The following SCHIP1 variants were observed in gnomAD, a reference collection of about 807,000 sequenced individuals.
SCHIP1 encodes schwannomin interacting protein 1.
SCHIP1 carries 8 observed loss-of-function variants against 29.7 expected under a neutral mutation model. That is an observed-to-expected ratio of 0.27 (90% CI 0.16 to 0.49). The LOEUF (loss-of-function observed/expected upper bound fraction) is 0.49, where lower values mean the gene tolerates loss of function less well. SCHIP1 is among the 20% of genes least tolerant of loss of function. SCHIP1 has a pLI of 0.99. For missense variants in SCHIP1, 193 were observed against 294.6 expected (o/e 0.66, Z 2.52); for synonymous variants, 76 against 94.9 (o/e 0.80, Z 1.16).
the SCHIP1 span, among the ~76,000 whole-genome samples, chr3:159,774,408 C>G: frequency 2.0e-5 from 3 of 152,118 alleles, no homozygotes; most frequent in Non-Finnish European, 4.4e-5. Context: ...AATTGTTGCC[C>G]TTTATATATA....
chr3:159,595,361 G>C, the SCHIP1 span, among the ~76,000 whole-genome samples: 74 of 152,202 alleles, frequency 4.9e-4, no homozygotes, highest in African/African-American at 1.8e-3. Flanking sequence ...TGAAGGAGGA[G>C]AACCAGCAGC....
At chr3:159,333,642 ACTC>A in the SCHIP1 span, among the ~76,000 whole-genome samples, 1 of 152,060 alleles carries the variant, frequency 6.6e-6, no homozygotes, top group Non-Finnish European at 1.5e-5. Context: ...AGCAAAGACT[ACTC>A]CTACACATAT....
chr3:159,864,506 CA>C (rs1714406291), intron 1 of SCHIP1, among the ~76,000 whole-genome samples: 1 of 151,594 alleles, frequency 6.6e-6, no homozygotes, highest in Admixed American at 6.6e-5. Flanking sequence ...CACACACACA[CA>C]CACACACATA....
the SCHIP1 span, among the ~76,000 whole-genome samples, chr3:159,587,931 G>A: frequency 2.6e-5 from 4 of 152,094 alleles, no homozygotes; most frequent in African/African-American, 4.8e-5. Flanking sequence ...ATAAACATAC[G>A]TGTGCATGTG....
At chr3:159,599,653 GA>G in the SCHIP1 span, among the ~76,000 whole-genome samples, 1 of 152,136 alleles carries the variant, frequency 6.6e-6, no homozygotes, top group African/African-American at 2.4e-5. Flanking sequence ...CACTCATTGG[GA>G]AATTTGGGCT....
At chr3:159,890,572 C>T (rs527819322) in intron 5 of SCHIP1, among the ~76,000 whole-genome samples, 5 of 152,272 alleles carry the variant, frequency 3.3e-5, no homozygotes, top group Non-Finnish European at 5.9e-5. Flanking sequence ...ACCATAGATT[C>T]ACAGGATTTT....
the SCHIP1 span, among the ~76,000 whole-genome samples, chr3:159,524,667 C>T: frequency 6.6e-6 from 1 of 152,106 alleles, no homozygotes; most frequent in Non-Finnish European, 1.5e-5. Context: ...CTCCGAAACA[C>T]GTGATGTTAG....
At chr3:159,746,146 A>G in the SCHIP1 span, among the ~76,000 whole-genome samples, 18 of 152,212 alleles carry the variant, frequency 1.2e-4, no homozygotes, top group Non-Finnish European at 2.4e-4. Flanking sequence ...ATTTTTAGAA[A>G]AGCAAAAAAT....
the SCHIP1 span, among the ~76,000 whole-genome samples, chr3:159,454,154 A>G: frequency 3.3e-5 from 5 of 152,250 alleles, no homozygotes; most frequent in African/African-American, 1.2e-4. Flanking sequence ...TGGAATCACA[A>G]GGGGAACCTG....
chr3:159,415,140 A>G, the SCHIP1 span, among the ~76,000 whole-genome samples: 4 of 152,324 alleles, frequency 2.6e-5, no homozygotes, highest in South Asian at 8.3e-4. Flanking sequence ...CAGCATGTTC[A>G]TGAAGAATGA....
the SCHIP1 span, among the ~76,000 whole-genome samples, chr3:159,687,491 A>G: frequency 6.6e-6 from 1 of 151,988 alleles, no homozygotes; most frequent in Non-Finnish European, 1.5e-5. Context: ...AGGTTTTGGA[A>G]CAAAAAACAA....
the SCHIP1 span, among the ~76,000 whole-genome samples, chr3:159,605,912 C>T: frequency 6.8e-4 from 103 of 152,256 alleles, 2 homozygotes; most frequent in East Asian, 0.013. Context: ...TTCCACCCCA[C>T]GTCCCTACCA....
the SCHIP1 span, among the ~76,000 whole-genome samples, chr3:159,520,818 C>T: frequency 2.6e-5 from 4 of 152,130 alleles, no homozygotes; most frequent in Non-Finnish European, 5.9e-5. Context: ...TACGTAATTA[C>T]AGAAATTATT....
chr3:159,380,004 C>G, the SCHIP1 span, among the ~76,000 whole-genome samples: 1 of 152,028 alleles, frequency 6.6e-6, no homozygotes, highest in African/African-American at 2.4e-5. Context: ...AGCCCTAGTT[C>G]GATGCCTAAG....
the SCHIP1 span, among the ~76,000 whole-genome samples, chr3:159,414,453 T>C: frequency 6.6e-6 from 1 of 152,216 alleles, no homozygotes; most frequent in African/African-American, 2.4e-5. Flanking sequence ...CCACACTCTT[T>C]CCAGGTGCTC....
At chr3:159,756,050 GC>G in the SCHIP1 span, among the ~76,000 whole-genome samples, 1 of 152,264 alleles carries the variant, frequency 6.6e-6, no homozygotes, top group Non-Finnish European at 1.5e-5. Context: ...CACAGTGCAA[GC>G]TGTTGGTGGA....
At chr3:159,661,536 G>C in the SCHIP1 span, among the ~76,000 whole-genome samples, 3 of 152,152 alleles carry the variant, frequency 2.0e-5, no homozygotes. Flanking sequence ...CAATCAGTAG[G>C]GTTAGCCTAG....
At chr3:159,425,718 C>T in the SCHIP1 span, among the ~76,000 whole-genome samples, 1 of 152,204 alleles carries the variant, frequency 6.6e-6, no homozygotes. Flanking sequence ...GAACTCTCCA[C>T]CCCATATCAA....
chr3:159,456,613 G>C, the SCHIP1 span, among the ~76,000 whole-genome samples: 72 of 152,268 alleles, frequency 4.7e-4, no homozygotes, highest in South Asian at 4.3e-3. Context: ...GGGACAGAAG[G>C]AAGAGGGCGG....
Sources: allele counts gnomAD v4.1 joint callset (sites outside exome capture counted in the v4.1 genomes callset), GRCh38; gene constraint gnomAD v4.1.1; transcripts MANE v1.5; gene names NCBI Gene and HGNC (gene_info 2026-07-23, HGNC 2026-07-21).